The following SRPRB variants were observed in gnomAD, a reference collection of about 807,000 sequenced individuals.
The protein encoded by SRPRB is signal recognition particle receptor subunit beta.
In SRPRB, 20 loss-of-function variants were observed where a neutral mutation model predicts 31.9. The observed-to-expected ratio is 0.63, with a 90% CI of 0.44 to 0.91. The LOEUF (loss-of-function observed/expected upper bound fraction) is 0.91, where lower values mean the gene tolerates loss of function less well. Among genes scored for constraint, SRPRB ranks in the 40% least tolerant of loss-of-function variants. The pLI, the probability that SRPRB is intolerant of heterozygous loss-of-function variation, is 0.00. For synonymous variants in SRPRB, 146 were observed against 132.8 expected (o/e 1.10, Z -0.68); for missense variants, 321 against 324.9 (o/e 0.99, Z 0.09).
chr3:133,812,052 T>C (rs1314037157), intron 4 of SRPRB, among the ~76,000 whole-genome samples: 1 of 152,222 alleles, frequency 6.6e-6, no homozygotes, highest in Non-Finnish European at 1.5e-5. Context: ...TAATAAGAAC[T>C]GAAGAGGAAA....
chr3:133,790,495 C>G (rs1446670238), intron 1 of SRPRB: 1 of 151,950 alleles, frequency 6.6e-6, no homozygotes, highest in African/African-American at 2.4e-5. Context: ...AGTAAGGAAC[C>G]AGTAAGTAGA....
At chr3:133,788,889 T>C (rs990510624) in intron 1 of SRPRB, 2 of 152,304 alleles carry the variant, frequency 1.3e-5, no homozygotes, top group Admixed American at 1.3e-4. Context: ...CAGCTTCCAT[T>C]TCCTATCATT....
intron 1 of SRPRB, chr3:133,788,440 C>T (rs903349294): frequency 4.6e-5 from 7 of 152,204 alleles, no homozygotes; most frequent in Admixed American, 2.6e-4. Context: ...CCCTGTGGAG[C>T]GTACTTTCAT....
downstream of SRPRB, chr3:133,827,743 A>ACC (rs1559896896): frequency 5.1e-5 from 11 of 213,794 alleles, no homozygotes; most frequent in Middle Eastern, 1.4e-3. Context: ...TTCTGCAGAC[A>ACC]ACACCCCCCC....
intron 3 of SRPRB, among the ~76,000 whole-genome samples, chr3:133,808,748 G>A (rs1301579919): frequency 1.3e-5 from 2 of 151,690 alleles, no homozygotes; most frequent in South Asian, 4.2e-4. Flanking sequence ...AAAATTAGCC[G>A]GGTGTGGTGG....
intron 1 of SRPRB, chr3:133,795,148 G>A (rs192439623): frequency 6.6e-6 from 1 of 152,318 alleles, no homozygotes; most frequent in Admixed American, 6.5e-5. Flanking sequence ...AGGTATTATA[G>A]AGATTCAGTT....
chr3:133,811,588 GT>G lies in SRPRB; in HGVS notation c.410+401del, dbSNP rs56096910. Among the ~76,000 whole-genome samples, 259 of 143,624 alleles carry G rather than the reference GT, an allele frequency of 1.8e-3. 1 individual carries two copies. The highest frequency in any genetic ancestry group is 3.1e-3 in the Non-Finnish European group (201 of 65,716). The allele number at this position is 143,624 out of a possible 152,430, so 94.2% of individuals were successfully genotyped here. On this transcript the variant is annotated intron_variant, in intron 4 of 6. Coordinates refer to ENST00000678299, the MANE Select transcript of SRPRB (RefSeq NM_001379313.1). ...TCATTTATATATATAGTGTTTTTTT[GT>G]TTTTTTTTTTTGAGATGGAGTCTCA...
intron 4 of SRPRB, among the ~76,000 whole-genome samples, chr3:133,813,186 T>C (rs1185884609): frequency 1.3e-5 from 2 of 152,336 alleles, no homozygotes; most frequent in Non-Finnish European, 2.9e-5. Flanking sequence ...TATCCAGGGA[T>C]AGATTTTCTT....
chr3:133,801,594 A>C (rs1559888393), upstream of SRPRB, among the ~76,000 whole-genome samples: 1 of 152,200 alleles, frequency 6.6e-6, no homozygotes, highest in Non-Finnish European at 1.5e-5. Flanking sequence ...GAGTTAAGAC[A>C]GTTACGGTTG....
upstream of SRPRB, among the ~76,000 whole-genome samples, chr3:133,804,004 G>A (rs1252856684): frequency 7.0e-6 from 1 of 143,652 alleles, no homozygotes; most frequent in Non-Finnish European, 1.5e-5. Flanking sequence ...GCTGAGGCAG[G>A]AGAATGGCGT....
upstream of SRPRB, among the ~76,000 whole-genome samples, chr3:133,803,660 CTTT>C (rs111599503): frequency 6.9e-6 from 1 of 145,862 alleles, no homozygotes; most frequent in Non-Finnish European, 1.5e-5. Context: ...GTCCCAGTTC[CTTT>C]TTTTTTTTTC....
intron 1 of SRPRB, chr3:133,784,811 A>C (rs1048430344): frequency 6.6e-6 from 1 of 152,310 alleles, no homozygotes; most frequent in African/African-American, 2.4e-5. Context: ...AGAAGACCTG[A>C]GAAGGAAGAG....
At chr3:133,823,067 C>T (rs145512286), downstream of SRPRB, among the ~76,000 whole-genome samples, 4 of 152,312 alleles carry the variant, frequency 2.6e-5, no homozygotes, top group African/African-American at 9.6e-5. Flanking sequence ...TTTCCCTGCT[C>T]TCTCAGTAGT....
chr3:133,812,418 C>G (rs1329228636), intron 4 of SRPRB, among the ~76,000 whole-genome samples: 1 of 152,062 alleles, frequency 6.6e-6, no homozygotes. Context: ...TTTTCTTTTT[C>G]TATTGCCAGT....
At chr3:133,792,800 A>G (rs1934873187) in intron 1 of SRPRB, 1 of 152,200 alleles carries the variant, frequency 6.6e-6, no homozygotes, top group South Asian at 2.1e-4. Context: ...TGGAAGATTT[A>G]TAAAAATTAA....
intron 2 of SRPRB, 125 bp from the exon 3 acceptor site, chr3:133,807,621 C>CT (rs1203728222): frequency 1.5e-6 from 1 of 664,982 alleles, no homozygotes; most frequent in African/African-American, 1.9e-5. Flanking sequence ...TCAATATCGT[C>CT]TTTTTCACCT....
At chr3:133,801,295 T>C (rs1214071748), upstream of SRPRB, among the ~76,000 whole-genome samples, 1 of 152,206 alleles carries the variant, frequency 6.6e-6, no homozygotes, top group Non-Finnish European at 1.5e-5. Context: ...TAAAAACTTA[T>C]CAGCAGGCAG....
intron 6 of SRPRB, among the ~76,000 whole-genome samples, 184 bp from the exon 7 acceptor site, chr3:133,819,369 C>T (rs957947138): frequency 1.3e-5 from 2 of 151,038 alleles, no homozygotes; most frequent in African/African-American, 4.9e-5. Context: ...GCCCGCCCCA[C>T]CTACCTCACC....
chr3:133,819,918 ATT>A lies in SRPRB; in HGVS notation c.*171_*172del, dbSNP rs75496501. The A allele has an allele frequency of 0.093, 48,611 of 524,968 alleles. No individual in the cohort carries two copies. The highest frequency in any genetic ancestry group is 0.13 in the South Asian group (5,110 of 40,104). 32.5% of individuals were successfully genotyped at this position (524,968 alleles called of 1,614,324 possible). A position where few individuals can be genotyped will look rare whatever the true frequency, so the allele number is the denominator to read the frequency against. ...AAAGTACTGTTGAAACCAGCTTGGA[ATT>A]TTTTTTTTTTTTTTTTTTAAGTTCA... On this transcript the variant is annotated 3_prime_UTR_variant, in exon 7 of 7. Transcript: ENST00000678299.
Sources: allele counts gnomAD v4.1 joint callset (sites outside exome capture counted in the v4.1 genomes callset), GRCh38; gene constraint gnomAD v4.1.1; transcripts MANE v1.5; gene names NCBI Gene and HGNC (gene_info 2026-07-23, HGNC 2026-07-21).